FMNL2: variants seen among roughly 807,000 people sequenced by gnomAD.
The protein encoded by FMNL2 is formin like 2.
In FMNL2, 51 loss-of-function variants were observed where a neutral mutation model predicts 130.2. That is an observed-to-expected ratio of 0.39 (90% CI 0.31 to 0.49). The LOEUF is 0.49. Ranked by LOEUF, FMNL2 falls within the 20% of genes least tolerant of loss-of-function variation. The pLI is 0.85. For synonymous variants in FMNL2, 465 were observed against 467.1 expected (o/e 1.00, Z 0.06); for missense variants, 977 against 1,316.2 (o/e 0.74, Z 3.99).
chr2:152,412,007 T>A (rs1289529621), intron 1 of FMNL2, among the ~76,000 whole-genome samples: 1 of 152,140 alleles, frequency 6.6e-6, no homozygotes. Context: ...ATCCCAAGTG[T>A]CATTTGGAAG....
At chr2:152,640,584 C>T (rs1435340252) in intron 24 of FMNL2, among the ~76,000 whole-genome samples, 3 of 152,194 alleles carry the variant, frequency 2.0e-5, no homozygotes, top group Non-Finnish European at 2.9e-5. Context: ...CTTGTTGCTG[C>T]CAGGTGAAGT....
chr2:152,403,438 A>T (rs190848479), intron 1 of FMNL2, among the ~76,000 whole-genome samples: 2 of 152,118 alleles, frequency 1.3e-5, no homozygotes, highest in South Asian at 4.1e-4. Context: ...GTGTGGACTC[A>T]TGGATGTTTT....
intron 1 of FMNL2, among the ~76,000 whole-genome samples, chr2:152,410,864 A>G (rs2105998777): frequency 6.6e-6 from 1 of 152,310 alleles, no homozygotes; most frequent in African/African-American, 2.4e-5. Context: ...GCCTTACGGT[A>G]GCTTGCTGAC....
At chr2:152,625,718 T>C (rs1681740821) in intron 16 of FMNL2, among the ~76,000 whole-genome samples, 156 bp downstream of exon 16, 2 of 152,218 alleles carry the variant, frequency 1.3e-5, no homozygotes, top group Non-Finnish European at 2.9e-5. Flanking sequence ...AGAATAACAT[T>C]TGACACTGTT....
At chr2:152,573,369 C>T (rs553336088) in intron 6 of FMNL2, among the ~76,000 whole-genome samples, 54 of 152,256 alleles carry the variant, frequency 3.5e-4, no homozygotes, top group African/African-American at 4.6e-4. Context: ...CAGCTGTAGG[C>T]GGTAGCTTTT....
At chr2:152,372,878 A>G (rs936279649) in intron 1 of FMNL2, among the ~76,000 whole-genome samples, 1 of 152,178 alleles carries the variant, frequency 6.6e-6, no homozygotes, top group Non-Finnish European at 1.5e-5. Flanking sequence ...GCACATACTG[A>G]TTTGGAATAG....
At chr2:152,377,271 A>G (rs1230199533) in intron 1 of FMNL2, among the ~76,000 whole-genome samples, 1 of 152,212 alleles carries the variant, frequency 6.6e-6, no homozygotes, top group Non-Finnish European at 1.5e-5. Flanking sequence ...CCTCCCTTGT[A>G]ACTGTTGGTA....
In FMNL2 at chr2:152,540,497, C is replaced by T. The variant is rs149070926; in HGVS notation, c.202-2242C>T. Among the ~76,000 whole-genome samples, 1,293 of 152,106 alleles carry T rather than the reference C, an allele frequency of 8.5e-3. 17 individuals carry two copies. The highest frequency in any genetic ancestry group is 0.028 in the African/African-American group (1,180 of 41,486). ...TGATTGAGATAGAGTTCATATACTA[C>T]AAAATTCACCCTGATTATTTTTAAA... On this transcript the variant is annotated intron_variant, in intron 2 of 25. Transcript: ENST00000288670.
chr2:152,644,113 C>T (rs1475262721), intron 25 of FMNL2, among the ~76,000 whole-genome samples: 2 of 151,884 alleles, frequency 1.3e-5, no homozygotes, highest in South Asian at 2.1e-4. Context: ...CCCAGCTACC[C>T]GGGAGGCTGA....
intron 1 of FMNL2, among the ~76,000 whole-genome samples, chr2:152,390,907 T>A (rs1558821510): frequency 6.6e-6 from 1 of 152,210 alleles, no homozygotes; most frequent in Non-Finnish European, 1.5e-5. Context: ...TTGTAAAGAT[T>A]AAGGTAATTG....
intron 1 of FMNL2, among the ~76,000 whole-genome samples, chr2:152,385,559 T>C (rs551161319): frequency 6.6e-6 from 1 of 152,334 alleles, no homozygotes; most frequent in African/African-American, 2.4e-5. Flanking sequence ...GGTCATATAA[T>C]GCTCACTGTC....
intron 6 of FMNL2, among the ~76,000 whole-genome samples, chr2:152,566,052 T>G (rs1396827011): frequency 1.3e-5 from 2 of 152,210 alleles, no homozygotes. Context: ...AGTGCTGGGA[T>G]TACAAGCATG....
chr2:152,389,868 G>T, intron 1 of FMNL2: 1 of 1,051,490 alleles, frequency 9.5e-7, no homozygotes, highest in South Asian at 1.3e-5. Context: ...ACGACAATCA[G>T]CTGGCACAGA....
At chr2:152,414,629 G>A (rs745349883) in intron 1 of FMNL2, among the ~76,000 whole-genome samples, 6 of 152,124 alleles carry the variant, frequency 3.9e-5, no homozygotes, top group Non-Finnish European at 7.4e-5. Flanking sequence ...GAATGACCAG[G>A]TCCACCTAAA....
At chr2:152,613,618 T>G (rs1173184948) in intron 11 of FMNL2, among the ~76,000 whole-genome samples, 1 of 152,216 alleles carries the variant, frequency 6.6e-6, no homozygotes, top group Non-Finnish European at 1.5e-5. Flanking sequence ...GTAAGATTTT[T>G]TGTCAAAACT....
At chr2:152,493,698 C>T (rs760526955) in intron 1 of FMNL2, among the ~76,000 whole-genome samples, 21 of 152,216 alleles carry the variant, frequency 1.4e-4, no homozygotes, top group Non-Finnish European at 2.2e-4. Flanking sequence ...CACAGCAGTT[C>T]CTCTTCCCCT....
intron 6 of FMNL2, among the ~76,000 whole-genome samples, chr2:152,569,095 C>G (rs115724677): frequency 0.029 from 3,521 of 120,990 alleles, 81 homozygotes; most frequent in Middle Eastern, 0.048. Context: ...TTTGTAGCTT[C>G]CCCCCCCGCC....
At chr2:152,439,580 C>G (rs17399080) in intron 1 of FMNL2, among the ~76,000 whole-genome samples, 60,571 of 151,670 alleles carry the variant, frequency 0.4, 14,476 homozygotes, top group Non-Finnish European at 0.55. Context: ...AAATTGGGAA[C>G]AGTTTCCTCT....
At chr2:152,389,108 T>G (rs1684953780) in intron 1 of FMNL2, among the ~76,000 whole-genome samples, 1 of 87,638 alleles carries the variant, frequency 1.1e-5, no homozygotes, top group African/African-American at 7.1e-5. Context: ...AAGGAGCATT[T>G]TTTTTTTCTA....
Sources: allele counts gnomAD v4.1 joint callset (sites outside exome capture counted in the v4.1 genomes callset), GRCh38; gene constraint gnomAD v4.1.1; transcripts MANE v1.5; gene names NCBI Gene and HGNC (gene_info 2026-07-23, HGNC 2026-07-21).